The following CACNA1A variants were observed in gnomAD, a reference collection of about 807,000 sequenced individuals.
The protein encoded by CACNA1A is voltage-dependent P/Q-type calcium channel subunit alpha-1A.
A neutral mutation model predicts 262.4 loss-of-function variants in CACNA1A; 57 were observed. That is an observed-to-expected ratio of 0.22 (90% CI 0.18 to 0.27). CACNA1A has a LOEUF of 0.27. Ranked by LOEUF, CACNA1A falls within the 10% of genes least tolerant of loss-of-function variation. The probability of loss-of-function intolerance (pLI) is 1.00; values close to 1 mark genes in which losing one functional copy is unlikely to be tolerated. For missense variants in CACNA1A, 2,526 were observed against 3,562.8 expected, an observed-to-expected ratio of 0.71 and a Z score of 7.41; for synonymous variants, 1,431 against 1,419.3, an observed-to-expected ratio of 1.01 and a Z score of -0.18.
intron 38 of CACNA1A, among the ~76,000 whole-genome samples, chr19:13,218,009 C>G (rs12610283): frequency 0.057 from 8,402 of 147,162 alleles, 364 homozygotes; most frequent in South Asian, 0.1. Context: ...CTCCTGGCCT[C>G]AAACGATCCT....
At chr19:13,343,120 T>C (rs867455623) in intron 6 of CACNA1A, among the ~76,000 whole-genome samples, 2 of 145,784 alleles carry the variant, frequency 1.4e-5, no homozygotes, top group East Asian at 2.2e-4. Context: ...TCTTTCTTTT[T>C]TTTCTTTCTT....
intron 24 of CACNA1A, among the ~76,000 whole-genome samples, chr19:13,270,593 T>C (rs2056993167): frequency 6.6e-6 from 1 of 152,186 alleles, no homozygotes. Context: ...TCCAAAACTT[T>C]TTAGGGAAAA....
intron 17 of CACNA1A, among the ~76,000 whole-genome samples, chr19:13,303,173 C>T (rs925832419): frequency 1.3e-5 from 2 of 152,034 alleles, no homozygotes; most frequent in Non-Finnish European, 2.9e-5. Flanking sequence ...TTTCCTTGGC[C>T]CCAGCTCTGA....
intron 3 of CACNA1A, among the ~76,000 whole-genome samples, chr19:13,386,248 A>G (rs1453260413): frequency 6.6e-6 from 1 of 152,092 alleles, no homozygotes; most frequent in African/African-American, 2.4e-5. Context: ...CCCACCTCCC[A>G]TCAAAGAGGC....
Position 13,308,144 on chromosome 19 carries a change from A to C in CACNA1A, c.1889T>G (p.Leu630Trp), listed in dbSNP as rs1057521564. Residue 630 changes from leucine (L) to tryptophan (W), a missense_variant, in exon 14 of 47, where the codon TTG becomes TGG. Coordinates refer to ENST00000360228, the MANE Select transcript of CACNA1A (RefSeq NM_001127222.2). The surrounding 1 kb of genome is among the most constrained non-coding windows in gnomAD (Gnocchi z 4.2). ...CTGGCCGCCGAAGAGTTGCATTCCC[A>C]AAAGGGCGAAGACGACAATGAACAG... ...LFLFIVVFAL[L>W]GMQLFGGQFN... 1 of 1,613,986 alleles carries C rather than the reference A, an allele frequency of 6.2e-7. No homozygotes were observed. Among genetic ancestry groups the C allele is most frequent in the Non-Finnish European group, 8.5e-7 (1 of 1,179,872 alleles).
intron 5 of CACNA1A, chr19:13,363,199 A>G (rs954789182): frequency 1.3e-5 from 2 of 152,028 alleles, no homozygotes; most frequent in African/African-American, 4.8e-5. Flanking sequence ...CTTCTCCTTT[A>G]GCTAGTCTAG....
chr19:13,249,852 C>T (rs992016369), intron 30 of CACNA1A, among the ~76,000 whole-genome samples: 8 of 152,094 alleles, frequency 5.3e-5, no homozygotes, highest in Admixed American at 4.6e-4. Flanking sequence ...TGCCCCTAAC[C>T]ACCTCCGTGA....
intron 3 of CACNA1A, among the ~76,000 whole-genome samples, chr19:13,413,447 C>T (rs2060152154): frequency 6.6e-6 from 1 of 151,490 alleles, no homozygotes; most frequent in Non-Finnish European, 1.5e-5. Flanking sequence ...TGGCACATGC[C>T]TGTAGTCCCA....
At chr19:13,364,636 T>C (rs1054078785) in intron 5 of CACNA1A, 4 of 146,930 alleles carry the variant, frequency 2.7e-5, no homozygotes, top group African/African-American at 8.1e-5. Context: ...TTTTTATTTA[T>C]ATTTTTATTT....
chr19:13,361,656 G>A (rs923005234), intron 5 of CACNA1A, among the ~76,000 whole-genome samples: 1 of 152,162 alleles, frequency 6.6e-6, no homozygotes. Flanking sequence ...GAATCTTGTT[G>A]GCCTTTCAAG....
chr19:13,331,959 C>T (rs1219969191), intron 9 of CACNA1A, among the ~76,000 whole-genome samples: 1 of 152,224 alleles, frequency 6.6e-6, no homozygotes, highest in African/African-American at 2.4e-5. Context: ...AGACAGACCG[C>T]ATCCAACCCT....
Position 13,208,043 on chromosome 19 carries a change from G to C in CACNA1A, c.6791C>G (p.Ser2264Cys). Reference protein sequence around the residue: ...EHMAHRQGSSSVSGSPAPSTS... With the variant: ...EHMAHRQGSSCVSGSPAPSTS... ...TGAGGGGGCTGGGCTTCCACTTACG[G>C]AACTACTGCCCTACACGAAAATTGA... is the stretch of plus-strand genomic sequence containing the variant. The change falls in exon 47 of 47, where the codon TCC becomes TGC. Residue 2264 changes from serine (S) to cysteine (C), a missense_variant. By Grantham distance (112) the Ser-to-Cys change is moderately radical (BLOSUM62 -1). Around this residue, in one of 17 missense-constraint regions of CACNA1A, gnomAD observed 929 missense variants for 868.1 expected, o/e 1.07. Transcript: ENST00000360228. The C allele has an allele frequency of 4.6e-6, 6 of 1,296,372 alleles. No individual in the cohort carries two copies. Among genetic ancestry groups the C allele is most frequent in the Non-Finnish European group, 5.8e-6 (6 of 1,026,546 alleles). 80.3% of individuals were successfully genotyped at this position (1,296,372 alleles called of 1,614,324 possible). A position where few individuals can be genotyped will look rare whatever the true frequency, so the allele number is the denominator to read the frequency against.
At chr19:13,472,482 C>G (rs770273016) in intron 1 of CACNA1A, among the ~76,000 whole-genome samples, 3 of 152,202 alleles carry the variant, frequency 2.0e-5, no homozygotes, top group Non-Finnish European at 4.4e-5. Context: ...TGACCTGTCT[C>G]TGCCAACTTC....
In CACNA1A at chr19:13,241,398, G is replaced by T. The variant is rs1486806698; in HGVS notation, c.4950+3784C>A. ...GACAGACAGACAGAGGAGAGCGGAG[G>T]GTTGAGGAGAGCGTCAGGCATCCCA... On this transcript the variant is annotated intron_variant, in intron 31 of 46. Coordinates refer to ENST00000360228, the MANE Select transcript of CACNA1A (RefSeq NM_001127222.2). This position sits in a 1 kb window ranked among gnomAD's most constrained non-coding sequence, Gnocchi z 4.0. The T allele has an allele frequency of 2.8e-6, 2 of 717,032 alleles. No individual in the cohort carries two copies. Among genetic ancestry groups the T allele is most frequent in the African/African-American group, 1.7e-5 (1 of 57,484 alleles). The allele number at this position is 717,032 out of a possible 1,614,324, so 44.4% of individuals were successfully genotyped here.
At chr19:13,220,975 G>A (rs1245922837) in intron 38 of CACNA1A, among the ~76,000 whole-genome samples, 2 of 151,502 alleles carry the variant, frequency 1.3e-5, no homozygotes, top group Middle Eastern at 3.4e-3. Flanking sequence ...AACAATATCT[G>A]TCCTCCACCC....
chr19:13,479,258 G>C (rs1568687970), intron 1 of CACNA1A, among the ~76,000 whole-genome samples: 1 of 152,200 alleles, frequency 6.6e-6, no homozygotes, highest in East Asian at 1.9e-4. Flanking sequence ...GCAGACAGAT[G>C]AGTAAGTAAG....
At chr19:13,221,901 T>TTTTTTA (rs1263417035) in intron 38 of CACNA1A, among the ~76,000 whole-genome samples, 15 of 152,064 alleles carry the variant, frequency 9.9e-5, no homozygotes, top group African/African-American at 3.4e-4. Context: ...TTTCTCGGTA[T>TTTTTTA]TTTTTATTTT....
chr19:13,240,556 T>G (rs1380476677), intron 31 of CACNA1A, among the ~76,000 whole-genome samples: 1 of 149,380 alleles, frequency 6.7e-6, no homozygotes, highest in African/African-American at 2.4e-5. Flanking sequence ...GTGCAGTGTG[T>G]GCATAGTGAC....
intron 24 of CACNA1A, chr19:13,271,228 T>G (rs542145611): frequency 1.4e-5 from 2 of 143,454 alleles, no homozygotes; most frequent in Non-Finnish European, 3.0e-5. Flanking sequence ...TTTTTTTTTT[T>G]TTTTTTTTTT....
Sources: gnomAD v4.1 joint callset for allele counts (sites outside exome capture counted in the v4.1 genomes callset) on GRCh38, gnomAD v4.1.1 for gene constraint, gnomAD v4.1.1 regional missense constraint, Gnocchi (gnomAD v3.1) non-coding constraint, MANE v1.5 for transcripts, NCBI Gene and HGNC (gene_info 2026-07-23, HGNC 2026-07-21) for gene names.